TBC1D4: variants seen among roughly 807,000 people sequenced by gnomAD.
TBC1D4 encodes the protein TBC (Tre-2, BUB2, CDC16) domain-containing protein.
In TBC1D4, 121 loss-of-function variants were observed where a neutral mutation model predicts 142.5. The ratio of observed to expected loss-of-function variants is 0.85; its 90% CI spans 0.73 to 0.99. The LOEUF (loss-of-function observed/expected upper bound fraction) is 0.99. Ranked by LOEUF, TBC1D4 falls within the 50% of genes least tolerant of loss-of-function variation. The pLI, the probability that TBC1D4 is intolerant of heterozygous loss-of-function variation, is 0.00. For missense variants in TBC1D4, 1,475 were observed against 1,606.6 expected, an observed-to-expected ratio of 0.92 and a Z score of 1.40; for synonymous variants, 630 against 628.2, an observed-to-expected ratio of 1.00 and a Z score of -0.04.
At chr13:75,452,523 G>A (rs1344485742) in intron 1 of TBC1D4, among the ~76,000 whole-genome samples, 1 of 152,138 alleles carries the variant, frequency 6.6e-6, no homozygotes, top group Admixed American at 6.6e-5. Flanking sequence ...AGCAGTAAAA[G>A]CAATAATAAT....
In TBC1D4 at chr13:75,312,742, C is replaced by T; in HGVS notation, c.2379G>A (p.Gln793=). The T allele has an allele frequency of 1.9e-6, 3 of 1,614,192 alleles. No individual in the cohort carries two copies. The highest frequency in any genetic ancestry group is 1.1e-5 in the South Asian group (1 of 91,082). Reference sequence around the variant, plus strand: ...CTTAGGGAGTGCAACACAGACCTTGCTGTTGCATTGCTGAGGGAGATTTGT... The same window carrying T: ...CTTAGGGAGTGCAACACAGACCTTGTTGTTGCATTGCTGAGGGAGATTTGT... ...PMNKSPSAMQ[Q]QDGLDRNELL... Residue 793 remains glutamine, a synonymous_variant, in exon 13 of 21, where the codon CAG becomes CAA. Coordinates refer to ENST00000377636, the MANE Select transcript of TBC1D4 (RefSeq NM_014832.5).
intron 11 of TBC1D4, among the ~76,000 whole-genome samples, chr13:75,323,447 C>T (rs1878952380): frequency 6.6e-6 from 1 of 152,036 alleles, no homozygotes; most frequent in Admixed American, 6.6e-5. Context: ...TGCAGCACCC[C>T]ACTAAGAATT....
intron 17 of TBC1D4, among the ~76,000 whole-genome samples, chr13:75,298,139 ATTAC>A (rs1368054860): frequency 2.6e-5 from 4 of 152,204 alleles, no homozygotes; most frequent in African/African-American, 7.2e-5. Context: ...TCTTTAAACT[ATTAC>A]TTCTTATCTA....
chr13:75,394,933 T>C (rs1390967630), intron 1 of TBC1D4, among the ~76,000 whole-genome samples: 1 of 152,196 alleles, frequency 6.6e-6, no homozygotes, highest in Non-Finnish European at 1.5e-5. Flanking sequence ...TGACAGAGCA[T>C]ACAGGTGAGG....
intron 1 of TBC1D4, among the ~76,000 whole-genome samples, chr13:75,379,262 G>GCACACA (rs140885604): frequency 5.6e-4 from 84 of 148,988 alleles, no homozygotes; most frequent in African/African-American, 2.1e-3. Flanking sequence ...ATACACACAT[G>GCACACA]CACACACACA....
chr13:75,319,497 G>C (rs1044802211), intron 12 of TBC1D4, among the ~76,000 whole-genome samples: 1 of 152,232 alleles, frequency 6.6e-6, no homozygotes, highest in Non-Finnish European at 1.5e-5. Context: ...CCTGTGTCCA[G>C]ACAAATGGGA....
At chr13:75,388,884 T>C (rs1369948550) in intron 1 of TBC1D4, among the ~76,000 whole-genome samples, 1 of 152,188 alleles carries the variant, frequency 6.6e-6, no homozygotes, top group Non-Finnish European at 1.5e-5. Context: ...TTTCATGCCT[T>C]CCAACATTGT....
chr13:75,325,236 A>T (rs2138003750), intron 10 of TBC1D4, among the ~76,000 whole-genome samples: 1 of 150,336 alleles, frequency 6.7e-6, no homozygotes, highest in East Asian at 2.0e-4. Flanking sequence ...ACAGCAAAAA[A>T]ATCTGAGAAT....
chr13:75,331,034 A>G (rs979608470), intron 8 of TBC1D4, among the ~76,000 whole-genome samples: 16 of 152,340 alleles, frequency 1.1e-4, no homozygotes, highest in Non-Finnish European at 2.2e-4. Flanking sequence ...TATTTTACTC[A>G]TAGTGGTGTT....
rs140885604 is a variant in TBC1D4, at chr13:75,379,262, GCACA to G, written c.499-16659_499-16656del. Among the ~76,000 whole-genome samples the G allele has an allele frequency of 2.9e-4, 43 of 149,078 alleles. No homozygotes were observed. The East Asian group carries it at 4.1e-3, about 14-fold the overall frequency. ...CGTGAATTTTTATACATACACACAT[GCACA>G]CACACACACACACAGCTTTTCAAGA... On this transcript the variant is annotated intron_variant, in intron 1 of 20. Coordinates refer to ENST00000377636, the MANE Select transcript of TBC1D4 (RefSeq NM_014832.5).
chr13:75,398,676 A>C (rs1484409603), intron 1 of TBC1D4, among the ~76,000 whole-genome samples: 3 of 152,214 alleles, frequency 2.0e-5, no homozygotes, highest in African/African-American at 7.2e-5. Flanking sequence ...TTATGGGTCC[A>C]AAAGTAAAGC....
At chr13:75,479,541 G>A (rs1888747938) in intron 1 of TBC1D4, among the ~76,000 whole-genome samples, 1 of 151,656 alleles carries the variant, frequency 6.6e-6, no homozygotes, top group Non-Finnish European at 1.5e-5. Context: ...AGAACTAAAG[G>A]TGCCAGGACC....
At chr13:75,304,037 T>C (rs17325616) in intron 15 of TBC1D4, among the ~76,000 whole-genome samples, 4,177 of 152,326 alleles carry the variant, frequency 0.027, 94 homozygotes, top group South Asian at 0.07. Flanking sequence ...TAGATTACAG[T>C]TAGCTCTATA....
chr13:75,359,758 T>A lies in TBC1D4; in HGVS notation c.1170+11A>T. 6.3e-7 allele frequency: 1 copy of A among 1,593,222 alleles called. No homozygotes were observed. Among genetic ancestry groups the A allele is most frequent in the South Asian group, 1.1e-5 (1 of 90,594 alleles). On this transcript the variant is annotated intron_variant, in intron 3 of 20. Transcript: ENST00000377636. ...GTCTCTTCACATACTATGATATACT[T>A]TGATACATACCTGAGAACAAGAGGA...
intron 1 of TBC1D4, among the ~76,000 whole-genome samples, chr13:75,451,158 T>A (rs1887515772): frequency 6.6e-6 from 1 of 152,212 alleles, no homozygotes; most frequent in East Asian, 1.9e-4. Context: ...TGCCACTAAT[T>A]ATGTGGTTTG....
intron 1 of TBC1D4, among the ~76,000 whole-genome samples, chr13:75,459,871 G>A (rs372639064): frequency 3.3e-5 from 5 of 152,100 alleles, no homozygotes; most frequent in African/African-American, 7.2e-5. Flanking sequence ...GGCAAGGCGC[G>A]GTGGCTCACG....
chr13:75,405,388 G>A (rs1211118268), intron 1 of TBC1D4, among the ~76,000 whole-genome samples: 6 of 150,388 alleles, frequency 4.0e-5, no homozygotes, highest in African/African-American at 1.2e-4. Context: ...TCCTGCCTCA[G>A]CCTCCCGAGT....
intron 1 of TBC1D4, among the ~76,000 whole-genome samples, chr13:75,462,749 C>T (rs200093131): frequency 6.6e-6 from 1 of 151,938 alleles, no homozygotes; most frequent in East Asian, 1.9e-4. Context: ...CTGTAGATCA[C>T]CTCATTATTT....
chr13:75,451,386 T>G (rs1887524442), intron 1 of TBC1D4, among the ~76,000 whole-genome samples: 1 of 151,904 alleles, frequency 6.6e-6, no homozygotes, highest in Non-Finnish European at 1.5e-5. Context: ...TTATTAAGCA[T>G]ACATTCTAGG....
Sources: gnomAD v4.1 joint callset for allele counts (sites outside exome capture counted in the v4.1 genomes callset) on GRCh38, gnomAD v4.1.1 for gene constraint, MANE v1.5 for transcripts, NCBI Gene and HGNC (gene_info 2026-07-23, HGNC 2026-07-21) for gene names.